Variants in KLHL29 observed in about 807,000 individuals in gnomAD.
KLHL29 encodes kelch like family member 29.
Under a neutral mutation model 80.4 loss-of-function variants are expected in KLHL29, and 21 were observed. The ratio of observed to expected loss-of-function variants is 0.26; its 90% CI spans 0.19 to 0.38. KLHL29 has a LOEUF of 0.38. KLHL29 is among the 10% of genes least tolerant of loss of function. The pLI is 1.00. For missense variants in KLHL29, 867 were observed against 1,223.9 expected, an observed-to-expected ratio of 0.71 and a Z score of 4.35; for synonymous variants, 511 against 526.8, an observed-to-expected ratio of 0.97 and a Z score of 0.41.
At chr2:23,472,666 A>G (rs1057206181) in intron 1 of KLHL29, among the ~76,000 whole-genome samples, 1 of 152,092 alleles carries the variant, frequency 6.6e-6, no homozygotes, top group African/African-American at 2.4e-5. Context: ...AACCTTGATA[A>G]ATATGACCAT....
chr2:23,621,386 C>G (rs1669178757), intron 3 of KLHL29, among the ~76,000 whole-genome samples: 1 of 152,184 alleles, frequency 6.6e-6, no homozygotes, highest in Admixed American at 6.5e-5. Flanking sequence ...GAGTCCCTGC[C>G]CTCCTGAGCA....
chr2:23,443,660 A>G (rs1044972593), intron 1 of KLHL29, among the ~76,000 whole-genome samples: 5 of 152,202 alleles, frequency 3.3e-5, no homozygotes, highest in African/African-American at 9.7e-5. Context: ...GCTAGACTAG[A>G]TGCAGGTTAT....
rs571614057 is a variant in KLHL29 at position 23,503,029 on chromosome 2, A to G, written c.-46+27362A>G. Reference sequence around the variant, plus strand: ...ACCTACAGTTGTATTTTCCTCTTTAATCATAAGGATTTACATCAGGAAAAA... The same window carrying G: ...ACCTACAGTTGTATTTTCCTCTTTAGTCATAAGGATTTACATCAGGAAAAA... On this transcript the variant is annotated intron_variant, in intron 2 of 13. Coordinates refer to ENST00000486442, the MANE Select transcript of KLHL29 (RefSeq NM_052920.2). The surrounding 1 kb of genome is among the most constrained non-coding windows in gnomAD (Gnocchi z 4.0). Among the ~76,000 whole-genome samples, 2 of 152,180 alleles carry G rather than the reference A, an allele frequency of 1.3e-5. No individual in the cohort carries two copies. The highest frequency in any genetic ancestry group is 4.8e-5 in the African/African-American group (2 of 41,520).
intron 2 of KLHL29, among the ~76,000 whole-genome samples, chr2:23,515,758 G>A (rs1400426101): frequency 1.3e-5 from 2 of 152,170 alleles, no homozygotes; most frequent in East Asian, 1.9e-4. Context: ...ACAATTGTTT[G>A]TTGACTTAGA....
At chr2:23,693,241 G>A (rs1345760384) in intron 7 of KLHL29, 28 bp from the exon 8 acceptor site, 1 of 1,526,810 alleles carries the variant, frequency 6.5e-7, no homozygotes, top group Non-Finnish European at 8.8e-7. Flanking sequence ...GGGCCTTTGG[G>A]TCAGTGGTCC....
chr2:23,506,437 G>A (rs568083932), intron 2 of KLHL29, among the ~76,000 whole-genome samples: 34 of 152,298 alleles, frequency 2.2e-4, no homozygotes, highest in African/African-American at 7.5e-4. Flanking sequence ...CTGCACAGGC[G>A]AGGACCTTTC....
chr2:23,454,673 T>A (rs1663991208), intron 1 of KLHL29, among the ~76,000 whole-genome samples: 1 of 152,172 alleles, frequency 6.6e-6, no homozygotes, highest in Non-Finnish European at 1.5e-5. Context: ...GTTATTTCAT[T>A]TGCACAGTCT....
chr2:23,662,791 T>C (rs1670448747), intron 5 of KLHL29, among the ~76,000 whole-genome samples: 1 of 152,036 alleles, frequency 6.6e-6, no homozygotes, highest in African/African-American at 2.4e-5. Flanking sequence ...GGCTTTACCT[T>C]CCCAGGGAAC....
In KLHL29 at chr2:23,439,124, G is replaced by T. The variant is rs564702795; in HGVS notation, c.-153-36436G>T. 6.0e-3 allele frequency among the ~76,000 whole-genome samples: 905 copies of T among 150,332 alleles called. 11 individuals carry two copies. The highest frequency in any genetic ancestry group is 0.021 in the African/African-American group (863 of 40,584). On this transcript the variant is annotated intron_variant, in intron 1 of 13. Coordinates refer to ENST00000486442, the MANE Select transcript of KLHL29 (RefSeq NM_052920.2). ...GAGGTGTTTGTAGTATTCTCTGATG[G>T]TAGTTTGTATTTCTGTGGGATTGGT...
At chr2:23,623,952 A>G (rs1382509574) in intron 3 of KLHL29, among the ~76,000 whole-genome samples, 1 of 152,174 alleles carries the variant, frequency 6.6e-6, no homozygotes, top group Non-Finnish European at 1.5e-5. Flanking sequence ...CCTCAAGTGA[A>G]TCCATGAACT....
At chr2:23,574,262 C>T (rs1451006554) in intron 3 of KLHL29, among the ~76,000 whole-genome samples, 1 of 152,056 alleles carries the variant, frequency 6.6e-6, no homozygotes, top group Non-Finnish European at 1.5e-5. Context: ...AGGAGAGACC[C>T]TATTTGAGGG....
At chr2:23,493,725 G>A (rs78311797) in intron 2 of KLHL29, among the ~76,000 whole-genome samples, 4 of 152,056 alleles carry the variant, frequency 2.6e-5, no homozygotes, top group African/African-American at 9.7e-5. Context: ...CTGTGTGTCC[G>A]TGTGGTCACT....
rs933144707 is a variant in KLHL29, at chr2:23,585,983, T to G, written c.285+23502T>G. ...GTTGGCTGGGATGTGGCTGATGGGC[T>G]TTTTTCATTCCCAATGTTTAAGCCT... On this transcript the variant is annotated intron_variant, in intron 3 of 13. Transcript: ENST00000486442. Among the ~76,000 whole-genome samples, 7 of 152,134 alleles carry G rather than the reference T, an allele frequency of 4.6e-5. 1 individual carries two copies. Among genetic ancestry groups the G allele is most frequent in the African/African-American group, 1.7e-4 (7 of 41,430 alleles).
intron 3 of KLHL29, among the ~76,000 whole-genome samples, chr2:23,580,385 A>T (rs1237967566): frequency 8.4e-6 from 1 of 118,990 alleles, no homozygotes; most frequent in Non-Finnish European, 1.7e-5. Context: ...AAAAAGATCT[A>T]GCCCATTAGG....
At chr2:23,470,343 G>A (rs1355100595) in intron 1 of KLHL29, among the ~76,000 whole-genome samples, 2 of 152,178 alleles carry the variant, frequency 1.3e-5, no homozygotes, top group Non-Finnish European at 2.9e-5. Flanking sequence ...GTTTTCACGA[G>A]GAGAAGGGTG....
intron 3 of KLHL29, among the ~76,000 whole-genome samples, chr2:23,597,946 G>C (rs1668469929): frequency 6.6e-6 from 1 of 152,158 alleles, no homozygotes; most frequent in East Asian, 1.9e-4. Flanking sequence ...AGATGCACAG[G>C]ATGCCTCTGG....
At chr2:23,657,439 T>C (rs1168586760) in intron 5 of KLHL29, among the ~76,000 whole-genome samples, 2 of 152,222 alleles carry the variant, frequency 1.3e-5, no homozygotes, top group Non-Finnish European at 2.9e-5. Context: ...AAATAAAGTA[T>C]TCTGCAGTCA....
chr2:23,532,931 A>C (rs887119672), intron 2 of KLHL29, among the ~76,000 whole-genome samples: 63 of 152,128 alleles, frequency 4.1e-4, no homozygotes, highest in African/African-American at 1.5e-3. Context: ...CGAGAGGAGG[A>C]GCTCAGCTGG....
At chr2:23,621,266 A>G (rs900659506) in intron 3 of KLHL29, among the ~76,000 whole-genome samples, 2 of 152,180 alleles carry the variant, frequency 1.3e-5, no homozygotes, top group African/African-American at 4.8e-5. Context: ...CCCAGGGGAG[A>G]GACTGGGGAA....
Sources: allele counts gnomAD v4.1 joint callset (sites outside exome capture counted in the v4.1 genomes callset), GRCh38; gene constraint gnomAD v4.1.1; non-coding constraint Gnocchi (gnomAD v3.1); transcripts MANE v1.5; gene names NCBI Gene and HGNC (gene_info 2026-07-23, HGNC 2026-07-21).